The following ECT2 variants were observed in gnomAD, a reference collection of about 807,000 sequenced individuals.
ECT2 encodes the protein epithelial cell transforming 2, also known as protein ECT2.
In ECT2, 61 loss-of-function variants were observed where a neutral mutation model predicts 116.9. That is an observed-to-expected ratio of 0.52 (90% CI 0.42 to 0.65). The LOEUF (loss-of-function observed/expected upper bound fraction) is 0.65. ECT2 is among the 30% of genes least tolerant of loss of function. The probability of loss-of-function intolerance (pLI) is 0.00; values close to 1 mark genes in which losing one functional copy is unlikely to be tolerated. For synonymous variants in ECT2, 358 were observed against 346.4 expected (o/e 1.03, Z -0.37); for missense variants, 937 against 1,078.7 (o/e 0.87, Z 1.84).
intron 18 of ECT2, among the ~76,000 whole-genome samples, chr3:172,789,182 G>A (rs917566401): frequency 3.0e-4 from 46 of 151,416 alleles, no homozygotes; most frequent in Admixed American, 2.9e-3. Context: ...TGAAGGCTGG[G>A]ATGGCTGTGG....
intron 1 of ECT2, among the ~76,000 whole-genome samples, chr3:172,752,629 C>T (rs1716119830): frequency 6.6e-6 from 1 of 151,942 alleles, no homozygotes; most frequent in Non-Finnish European, 1.5e-5. Flanking sequence ...TAAATTAAGG[C>T]TGTTACAACT....
chr3:172,785,902 G>A (rs553470922), intron 17 of ECT2, among the ~76,000 whole-genome samples: 3 of 152,182 alleles, frequency 2.0e-5, no homozygotes, highest in South Asian at 2.1e-4. Context: ...GTAGAAATTC[G>A]TAAATGTTAC....
intron 7 of ECT2, among the ~76,000 whole-genome samples, chr3:172,761,382 T>C (rs778629134): frequency 6.6e-6 from 1 of 152,194 alleles, no homozygotes; most frequent in African/African-American, 2.4e-5. Context: ...TTCAGAGATA[T>C]ATTTATTTAA....
chr3:172,767,538 T>C (rs1474846870), intron 12 of ECT2, among the ~76,000 whole-genome samples: 1 of 152,202 alleles, frequency 6.6e-6, no homozygotes, highest in African/African-American at 2.4e-5. Flanking sequence ...GCTGGAAATA[T>C]ATATTATGGT....
At chr3:172,776,899 A>G (rs946217655) in intron 14 of ECT2, among the ~76,000 whole-genome samples, 9 of 151,354 alleles carry the variant, frequency 5.9e-5, no homozygotes, top group Admixed American at 2.0e-4. Flanking sequence ...TTTTGCGACA[A>G]AGTCTCGCTC....
intron 23 of ECT2, 77 bp from the exon 24 acceptor site, chr3:172,816,614 G>C (rs1729762776): frequency 8.4e-6 from 11 of 1,302,842 alleles, no homozygotes; most frequent in Non-Finnish European, 9.3e-6. Context: ...CCATATATTT[G>C]GCTTTTTTAT....
At chr3:172,825,771 A>G (rs1730825309), downstream of ECT2, among the ~76,000 whole-genome samples, 1 of 152,240 alleles carries the variant, frequency 6.6e-6, no homozygotes, top group African/African-American at 2.4e-5. Context: ...GCAAATGCTG[A>G]TAGGGAAGCT....
At chr3:172,805,963 ATTATCT>A in intron 21 of ECT2, 94 bp downstream of exon 21, 1 of 1,314,754 alleles carries the variant, frequency 7.6e-7, no homozygotes, top group Non-Finnish European at 1.0e-6. Context: ...AAATTGGTAA[ATTATCT>A]TTAAATATAG....
intron 18 of ECT2, among the ~76,000 whole-genome samples, chr3:172,795,174 T>C (rs1725391524): frequency 6.6e-6 from 1 of 152,016 alleles, no homozygotes; most frequent in South Asian, 2.1e-4. Context: ...AACACAAAAA[T>C]TAGCCAGGCA....
At chr3:172,765,650 A>G (rs1274848900) in intron 12 of ECT2, among the ~76,000 whole-genome samples, 1 of 152,108 alleles carries the variant, frequency 6.6e-6, no homozygotes. Flanking sequence ...GTGCCTTTCT[A>G]TATGCAACAC....
chr3:172,828,875 T>G, the ECT2 span: 1 of 1,280,008 alleles, frequency 7.8e-7, no homozygotes, highest in Non-Finnish European at 1.1e-6. Context: ...GAGAGACGGG[T>G]TCCTGGCATA....
chr3:172,754,768 G>T, intron 2 of ECT2, 108 bp downstream of exon 2: 1 of 769,988 alleles, frequency 1.3e-6, no homozygotes, highest in South Asian at 2.4e-5. Flanking sequence ...CTAGAGCACA[G>T]GTATTAAGTA....
intron 14 of ECT2, among the ~76,000 whole-genome samples, chr3:172,778,700 A>G (rs994339153): frequency 1.4e-5 from 2 of 147,096 alleles, no homozygotes; most frequent in African/African-American, 5.0e-5. Context: ...GGTTCAAGCA[A>G]TTCTCCTGCC....
chr3:172,778,216 G>C (rs144036495), intron 14 of ECT2, among the ~76,000 whole-genome samples: 2 of 152,278 alleles, frequency 1.3e-5, no homozygotes, highest in East Asian at 3.9e-4. Context: ...CCAGGCTTTG[G>C]AATCTGCTCT....
intron 12 of ECT2, among the ~76,000 whole-genome samples, chr3:172,765,510 A>C (rs376393537): frequency 1.3e-5 from 2 of 152,112 alleles, no homozygotes; most frequent in African/African-American, 4.8e-5. Context: ...AAGATAACCA[A>C]ATTAGACCTT....
chr3:172,776,334 T>C (rs1721731252), intron 14 of ECT2, among the ~76,000 whole-genome samples: 1 of 152,208 alleles, frequency 6.6e-6, no homozygotes, highest in Middle Eastern at 3.4e-3. Context: ...TATGTTCTTT[T>C]CTACCGTGAA....
intron 18 of ECT2, among the ~76,000 whole-genome samples, chr3:172,796,951 G>A (rs58590025): frequency 0.061 from 9,280 of 151,638 alleles, 957 homozygotes; most frequent in African/African-American, 0.21. Context: ...GAGCCATCAC[G>A]CCCAGCCTTA....
At chr3:172,756,123 C>T (rs957073074) in intron 4 of ECT2, among the ~76,000 whole-genome samples, 1 of 152,128 alleles carries the variant, frequency 6.6e-6, no homozygotes, top group Non-Finnish European at 1.5e-5. Context: ...TCTCATTTAA[C>T]CTTAATTACC....
chr3:172,767,739 C>T (rs1016550756), intron 12 of ECT2, among the ~76,000 whole-genome samples: 7 of 135,018 alleles, frequency 5.2e-5, no homozygotes, highest in South Asian at 4.2e-4. Flanking sequence ...TTTTTTGAGA[C>T]GGAGTCTTGC....
Sources: gnomAD v4.1 joint callset for allele counts (sites outside exome capture counted in the v4.1 genomes callset) on GRCh38, gnomAD v4.1.1 for gene constraint, MANE v1.5 for transcripts, NCBI Gene and HGNC (gene_info 2026-07-23, HGNC 2026-07-21) for gene names.